The following KAZN variants were observed in gnomAD, a reference collection of about 807,000 sequenced individuals.
KAZN encodes the protein kazrin, periplakin interacting protein.
A neutral mutation model predicts 87.4 loss-of-function variants in KAZN; 40 were observed. That is an observed-to-expected ratio of 0.46 (90% CI 0.36 to 0.60). KAZN has a LOEUF of 0.60. KAZN is among the 20% of genes least tolerant of loss of function. KAZN has a pLI of 0.00. For synonymous variants in KAZN, 466 were observed against 458.3 expected, an observed-to-expected ratio of 1.02 and a Z score of -0.22; for missense variants, 898 against 1,073.9, an observed-to-expected ratio of 0.84 and a Z score of 2.29.
intron 1 of KAZN, among the ~76,000 whole-genome samples, chr1:14,610,886 G>A (rs1677763353): frequency 1.3e-5 from 2 of 151,964 alleles, no homozygotes; most frequent in South Asian, 2.1e-4. Flanking sequence ...TCTTTTATTC[G>A]GGTCTTTGGG....
Position 14,026,619 on chromosome 1 carries a change from A to G in KAZN, c.91+132863A>G, listed in dbSNP as rs192210761. ...CTCCAGGAAAGCAATGGTGTAGAGC[A>G]GCAACTTTTCTTAGCCTTTAATGTG... On this transcript the variant is annotated intron_variant, in intron 1 of 16. Transcript: ENST00000636203. 4.5e-3 allele frequency among the ~76,000 whole-genome samples: 686 copies of G among 151,800 alleles called. 3 individuals carry two copies. Among genetic ancestry groups the G allele is most frequent in the Non-Finnish European group, 6.0e-3 (409 of 67,854 alleles).
chr1:14,328,884 G>C (rs143797469), intron 2 of KAZN, among the ~76,000 whole-genome samples: 199 of 152,118 alleles, frequency 1.3e-3, no homozygotes, highest in African/African-American at 4.2e-3. Context: ...ATGTTGGGAG[G>C]GTGACATGTC....
intron 1 of KAZN, among the ~76,000 whole-genome samples, chr1:14,664,090 T>G (rs751977526): frequency 6.6e-6 from 1 of 152,236 alleles, no homozygotes. Flanking sequence ...TATTATATGA[T>G]TCCACCTATA....
At chr1:14,208,402 T>C (rs1646786450) in intron 2 of KAZN, among the ~76,000 whole-genome samples, 2 of 152,238 alleles carry the variant, frequency 1.3e-5, no homozygotes, top group Admixed American at 6.5e-5. Flanking sequence ...TCTCATTCAT[T>C]GACTCATTCA....
At chr1:14,031,356 T>G (rs4662076) in intron 1 of KAZN, among the ~76,000 whole-genome samples, 110,112 of 152,096 alleles carry the variant, frequency 0.72, 39,975 homozygotes, top group Admixed American at 0.83. Flanking sequence ...TAAGGATTCA[T>G]GAGCTAATTC....
intron 1 of KAZN, among the ~76,000 whole-genome samples, chr1:14,664,920 G>T (rs2148723085): frequency 6.6e-6 from 1 of 152,276 alleles, no homozygotes; most frequent in South Asian, 2.1e-4. Context: ...CTCCCAAAGT[G>T]CTGGGATTAC....
intron 1 of KAZN, among the ~76,000 whole-genome samples, chr1:13,982,391 G>A (rs748791962): frequency 2.0e-5 from 3 of 152,206 alleles, no homozygotes; most frequent in Non-Finnish European, 4.4e-5. Flanking sequence ...CCTTCTGGTG[G>A]GTTCGTGGTC....
At chr1:14,284,245 T>C (rs771136022) in intron 2 of KAZN, among the ~76,000 whole-genome samples, 4 of 152,148 alleles carry the variant, frequency 2.6e-5, no homozygotes, top group Non-Finnish European at 4.4e-5. Flanking sequence ...CTAAAAATAT[T>C]GTATATTTTA....
Position 14,773,632 on chromosome 1 carries a change from TCTC to T in KAZN, c.226+174412_226+174414del, listed in dbSNP as rs931885991. On this transcript the variant is annotated intron_variant, in intron 1 of 14. Transcript: ENST00000376030. The surrounding 1 kb of genome is among the most constrained non-coding windows in gnomAD (Gnocchi z 5.9). ...TGAGGTCAGGCACCCGCCACCCGGT[TCTC>T]CTTCTTCCTCTTCTAAAACACTGCA... Among the ~76,000 whole-genome samples the T allele has an allele frequency of 7.2e-5, 11 of 152,216 alleles. No individual in the cohort carries two copies. Among genetic ancestry groups the T allele is most frequent in the Non-Finnish European group, 1.3e-4 (9 of 68,024 alleles).
chr1:15,082,573 C>T (rs1488501933), intron 8 of KAZN, among the ~76,000 whole-genome samples: 1 of 152,240 alleles, frequency 6.6e-6, no homozygotes, highest in Non-Finnish European at 1.5e-5. Context: ...CAATGGCACT[C>T]TGAGGTCAGG....
chr1:15,030,605 C>CA (rs1671596635), intron 2 of KAZN, among the ~76,000 whole-genome samples: 1 of 152,204 alleles, frequency 6.6e-6, no homozygotes, highest in African/African-American at 2.4e-5. Context: ...GGTTCACCAG[C>CA]AATGTGGTCG....
chr1:14,359,930 CAAG>C (rs1325580499), intron 2 of KAZN, among the ~76,000 whole-genome samples: 1 of 152,136 alleles, frequency 6.6e-6, no homozygotes, highest in Non-Finnish European at 1.5e-5. Context: ...TTGCTCTTCT[CAAG>C]GAGTATCTTT....
intron 1 of KAZN, among the ~76,000 whole-genome samples, chr1:14,045,283 G>T (rs1056160359): frequency 4.6e-5 from 7 of 152,172 alleles, no homozygotes; most frequent in Non-Finnish European, 7.4e-5. Flanking sequence ...GTATCCAGTG[G>T]CTTCAGTATA....
intron 2 of KAZN, among the ~76,000 whole-genome samples, chr1:14,261,413 G>T (rs780457139): frequency 1.3e-5 from 2 of 152,198 alleles, no homozygotes; most frequent in Non-Finnish European, 2.9e-5. Context: ...CAGGACTCGG[G>T]TTAAGATACG....
At chr1:14,565,314 T>C (rs556730969) in intron 2 of KAZN, among the ~76,000 whole-genome samples, 1 of 152,346 alleles carries the variant, frequency 6.6e-6, no homozygotes, top group African/African-American at 2.4e-5. Flanking sequence ...ATATAAAAGT[T>C]GTATGTACAT....
At chr1:13,951,483 T>G (rs947237614) in intron 1 of KAZN, among the ~76,000 whole-genome samples, 15 of 152,150 alleles carry the variant, frequency 9.9e-5, no homozygotes, top group African/African-American at 3.4e-4. Flanking sequence ...GAAGAATTAT[T>G]ACTAATGTCC....
chr1:13,910,867 A>C (rs1639629763), intron 1 of KAZN, among the ~76,000 whole-genome samples: 1 of 152,110 alleles, frequency 6.6e-6, no homozygotes, highest in African/African-American at 2.4e-5. Flanking sequence ...TGGGTAATTT[A>C]TAAAGAAAAG....
intron 1 of KAZN, among the ~76,000 whole-genome samples, chr1:14,883,342 G>GAGAGAGAGAAAGA (rs1377953212): frequency 3.0e-5 from 1 of 33,490 alleles, no homozygotes; most frequent in Non-Finnish European, 6.1e-5. Flanking sequence ...GAGAGAGAGA[G>GAGAGAGAGAAAGA]AAAGAAAGAA....
At chr1:14,461,838 G>T (rs1368287657) in intron 2 of KAZN, among the ~76,000 whole-genome samples, 2 of 151,952 alleles carry the variant, frequency 1.3e-5, no homozygotes, top group Non-Finnish European at 2.9e-5. Flanking sequence ...TAAGAAAACA[G>T]AAACTGAAAA....
Sources: gnomAD v4.1 joint callset for allele counts (sites outside exome capture counted in the v4.1 genomes callset) on GRCh38, gnomAD v4.1.1 for gene constraint, Gnocchi (gnomAD v3.1) non-coding constraint, MANE v1.5 for transcripts, NCBI Gene and HGNC (gene_info 2026-07-23, HGNC 2026-07-21) for gene names.